EPHB1: variants seen among roughly 807,000 people sequenced by gnomAD.
The protein encoded by EPHB1 is ephrin type-B receptor 1.
Under a neutral mutation model 94.4 loss-of-function variants are expected in EPHB1, and 30 were observed. That is an observed-to-expected ratio of 0.32 (90% CI 0.24 to 0.43). EPHB1 has a LOEUF of 0.43. EPHB1 is among the 20% of genes least tolerant of loss of function. The pLI, the probability that EPHB1 is intolerant of heterozygous loss-of-function variation, is 1.00. For synonymous variants in EPHB1, 522 were observed against 489.1 expected (o/e 1.07, Z -0.89); for missense variants, 1,055 against 1,308.3 (o/e 0.81, Z 2.99).
intron 10 of EPHB1, among the ~76,000 whole-genome samples, chr3:135,186,594 T>A (rs577948940): frequency 1.6e-4 from 25 of 152,326 alleles, no homozygotes; most frequent in Admixed American, 7.2e-4. Context: ...GCTGCTTTTT[T>A]AAAAAAAGTG....
chr3:134,818,693 T>A (rs2036318351), intron 1 of EPHB1, among the ~76,000 whole-genome samples: 1 of 152,234 alleles, frequency 6.6e-6, no homozygotes, highest in Non-Finnish European at 1.5e-5. Flanking sequence ...TGCCGTTAAT[T>A]CATTCCTTTT....
At chr3:134,964,578 CT>C (rs1471191271) in intron 3 of EPHB1, among the ~76,000 whole-genome samples, 2 of 152,158 alleles carry the variant, frequency 1.3e-5, no homozygotes, top group African/African-American at 4.8e-5. Context: ...AAAAATGTGC[CT>C]GTTCTGGGAA....
chr3:135,013,647 C>T (rs1176787539), intron 3 of EPHB1, among the ~76,000 whole-genome samples: 2 of 152,190 alleles, frequency 1.3e-5, no homozygotes, highest in Non-Finnish European at 2.9e-5. Context: ...CCCAGCCCGC[C>T]CAGCTTGGAA....
intron 2 of EPHB1, among the ~76,000 whole-genome samples, chr3:134,927,544 A>C (rs2038818332): frequency 6.6e-6 from 1 of 152,222 alleles, no homozygotes; most frequent in South Asian, 2.1e-4. Flanking sequence ...CTGGATATTA[A>C]GAATTTGCCA....
chr3:134,894,743 C>T (rs2038053745), intron 1 of EPHB1, among the ~76,000 whole-genome samples: 1 of 152,208 alleles, frequency 6.6e-6, no homozygotes, highest in South Asian at 2.1e-4. Context: ...ATGAATACAC[C>T]TGACATAGAA....
intron 1 of EPHB1, among the ~76,000 whole-genome samples, chr3:134,865,500 A>C (rs2037354381): frequency 6.6e-6 from 1 of 152,186 alleles, no homozygotes; most frequent in South Asian, 2.1e-4. Context: ...TATCTTACAG[A>C]TATTCTTATA....
chr3:135,120,649 T>G (rs1283546707), intron 4 of EPHB1, among the ~76,000 whole-genome samples: 2 of 152,224 alleles, frequency 1.3e-5, no homozygotes, highest in Admixed American at 6.5e-5. Flanking sequence ...ATTTCTTTTT[T>G]GTTCTCTTGA....
At chr3:135,247,535 G>GTT (rs1479065423) in intron 13 of EPHB1, among the ~76,000 whole-genome samples, 2 of 152,098 alleles carry the variant, frequency 1.3e-5, no homozygotes, top group Non-Finnish European at 2.9e-5. Context: ...TGCATTTGAA[G>GTT]TTAGTTAAGA....
intron 3 of EPHB1, among the ~76,000 whole-genome samples, chr3:135,000,525 G>A (rs1576306053): frequency 6.6e-6 from 1 of 152,112 alleles, no homozygotes; most frequent in Non-Finnish European, 1.5e-5. Context: ...TTTCTTTTTC[G>A]TATTCTTCCT....
chr3:135,177,501 C>T (rs1175230896), intron 9 of EPHB1, among the ~76,000 whole-genome samples: 1 of 152,134 alleles, frequency 6.6e-6, no homozygotes, highest in African/African-American at 2.4e-5. Flanking sequence ...TATCACAGCT[C>T]CCTTGACCCC....
intron 6 of EPHB1, among the ~76,000 whole-genome samples, chr3:135,161,336 C>T (rs1941500634): frequency 6.6e-6 from 1 of 152,112 alleles, no homozygotes; most frequent in Admixed American, 6.5e-5. Context: ...ACAGGGGCTG[C>T]TCTGCAGGGA....
chr3:134,839,710 G>A (rs907201854), intron 1 of EPHB1, among the ~76,000 whole-genome samples: 4 of 152,216 alleles, frequency 2.6e-5, no homozygotes, highest in African/African-American at 9.7e-5. Context: ...ACAGTGGTGA[G>A]TAATGGGGGA....
At chr3:134,899,879 G>A (rs576188967) in intron 1 of EPHB1, among the ~76,000 whole-genome samples, 1 of 152,320 alleles carries the variant, frequency 6.6e-6, no homozygotes, top group East Asian at 1.9e-4. Context: ...TGGGGGCACA[G>A]CAAGGGTATA....
At chr3:135,108,671 C>T (rs1297551477) in intron 4 of EPHB1, among the ~76,000 whole-genome samples, 1 of 152,216 alleles carries the variant, frequency 6.6e-6, no homozygotes, top group Non-Finnish European at 1.5e-5. Flanking sequence ...GCAGTCACAT[C>T]ACTGCTGCTG....
chr3:134,961,336 C>T (rs1933511096), intron 3 of EPHB1, among the ~76,000 whole-genome samples: 1 of 152,180 alleles, frequency 6.6e-6, no homozygotes, highest in Non-Finnish European at 1.5e-5. Context: ...CATGACCCCA[C>T]TTTGCTCTTC....
intron 10 of EPHB1, among the ~76,000 whole-genome samples, chr3:135,185,322 G>T (rs573797854): frequency 2.0e-4 from 30 of 152,306 alleles, no homozygotes; most frequent in Admixed American, 1.6e-3. Flanking sequence ...CAGTCCTGGG[G>T]TCATTCAGAG....
chr3:135,191,477 T>C (rs77981063), intron 10 of EPHB1, among the ~76,000 whole-genome samples: 7,252 of 152,292 alleles, frequency 0.048, 213 homozygotes, highest in Middle Eastern at 0.12. Context: ...CTTCCAGAAG[T>C]GGAAAGTGAG....
rs1317834757 is a variant in EPHB1 at position 135,004,340 on chromosome 3, A to G, written c.805+52288A>G. 7.9e-5 allele frequency among the ~76,000 whole-genome samples: 12 copies of G among 151,490 alleles called. 1 individual carries two copies. The highest frequency in any genetic ancestry group is 3.9e-4 in the Admixed American group (6 of 15,210). On this transcript the variant is annotated intron_variant, in intron 3 of 15. Transcript: ENST00000398015. ...TGCCGAGAGATCTGCTGTTAGTCTGATGGTCTTCCCTTTGAGGGTAACCCG... is the reference window on the plus strand; with the variant it reads ...TGCCGAGAGATCTGCTGTTAGTCTGGTGGTCTTCCCTTTGAGGGTAACCCG...
intron 2 of EPHB1, among the ~76,000 whole-genome samples, chr3:134,945,200 C>T (rs976138540): frequency 1.3e-5 from 2 of 151,914 alleles, no homozygotes; most frequent in African/African-American, 4.8e-5. Flanking sequence ...TTTCTTTTTT[C>T]CTCCCTTTTA....
Sources: gnomAD v4.1 joint callset for allele counts (sites outside exome capture counted in the v4.1 genomes callset) on GRCh38, gnomAD v4.1.1 for gene constraint, MANE v1.5 for transcripts, NCBI Gene and HGNC (gene_info 2026-07-23, HGNC 2026-07-21) for gene names.